ERC2: variants seen among roughly 807,000 people sequenced by gnomAD.
The protein encoded by ERC2 is ERC protein 2.
A neutral mutation model predicts 114.8 loss-of-function variants in ERC2; 42 were observed. The observed-to-expected ratio is 0.37, with a 90% CI of 0.29 to 0.47. The LOEUF (loss-of-function observed/expected upper bound fraction) is 0.47, where lower values mean the gene tolerates loss of function less well. Ranked by LOEUF, ERC2 falls within the 20% of genes least tolerant of loss-of-function variation. The probability of loss-of-function intolerance (pLI) is 0.99; values close to 1 mark genes in which losing one functional copy is unlikely to be tolerated. For synonymous variants in ERC2, 454 were observed against 425.5 expected (o/e 1.07, Z -0.82); for missense variants, 939 against 1,150.7 (o/e 0.82, Z 2.66).
chr3:55,514,445 T>A (rs888485029), intron 17 of ERC2, among the ~76,000 whole-genome samples: 1 of 152,124 alleles, frequency 6.6e-6, no homozygotes, highest in African/African-American at 2.4e-5. Context: ...TTGTCTAAAA[T>A]AAAAAATAAA....
intron 14 of ERC2, among the ~76,000 whole-genome samples, chr3:55,794,183 C>T (rs928819895): frequency 2.0e-5 from 3 of 152,166 alleles, no homozygotes; most frequent in African/African-American, 4.8e-5. Context: ...AGGAATTATC[C>T]ATTATCTATA....
At chr3:55,527,565 C>A (rs1410789558) in intron 17 of ERC2, among the ~76,000 whole-genome samples, 1 of 152,134 alleles carries the variant, frequency 6.6e-6, no homozygotes, top group Admixed American at 6.6e-5. Context: ...TTGTCATCTC[C>A]ACTTCTGATA....
intron 7 of ERC2, among the ~76,000 whole-genome samples, chr3:56,060,856 A>T (rs1194422244): frequency 6.6e-6 from 1 of 151,984 alleles, no homozygotes; most frequent in Non-Finnish European, 1.5e-5. Context: ...ATTTGTGGAG[A>T]CACTGAATTA....
intron 13 of ERC2, among the ~76,000 whole-genome samples, chr3:55,906,980 G>A (rs1159292991): frequency 6.6e-6 from 1 of 152,136 alleles, no homozygotes; most frequent in South Asian, 2.1e-4. Flanking sequence ...CAGATGATAG[G>A]GGTGCTTGCC....
At chr3:55,684,945 A>G (rs2062248247) in intron 16 of ERC2, among the ~76,000 whole-genome samples, 1 of 152,162 alleles carries the variant, frequency 6.6e-6, no homozygotes, top group Admixed American at 6.5e-5. Flanking sequence ...TTTTCTCATT[A>G]TTTGACTCCT....
intron 7 of ERC2, among the ~76,000 whole-genome samples, chr3:56,045,708 T>C (rs1576692288): frequency 1.3e-5 from 2 of 152,124 alleles, no homozygotes; most frequent in Admixed American, 1.3e-4. Context: ...AGGTCAAAAA[T>C]TCCTCTCAAG....
chr3:55,915,984 C>T (rs551876029), intron 13 of ERC2, among the ~76,000 whole-genome samples: 2 of 152,212 alleles, frequency 1.3e-5, no homozygotes, highest in South Asian at 4.2e-4. Context: ...ATAGAACATG[C>T]ATATTCATAG....
At chr3:55,860,041 T>A (rs940709977) in intron 14 of ERC2, among the ~76,000 whole-genome samples, 1 of 152,294 alleles carries the variant, frequency 6.6e-6, no homozygotes, top group South Asian at 2.1e-4. Context: ...TAGCCTTTTA[T>A]CCAATTTTAC....
intron 7 of ERC2, 118 bp from the exon 8 acceptor site, chr3:56,019,149 CA>C: frequency 1.3e-6 from 1 of 791,204 alleles, no homozygotes; most frequent in Non-Finnish European, 2.0e-6. Flanking sequence ...TAGAAATTGT[CA>C]GTAGCTTTGA....
At chr3:55,711,403 TA>T (rs895234083) in intron 15 of ERC2, among the ~76,000 whole-genome samples, 9 of 152,224 alleles carry the variant, frequency 5.9e-5, no homozygotes, top group Non-Finnish European at 2.9e-5. Context: ...CCAATCTTTC[TA>T]AAAAATTTTG....
intron 14 of ERC2, among the ~76,000 whole-genome samples, chr3:55,831,723 C>G (rs2060600503): frequency 6.6e-6 from 1 of 152,136 alleles, no homozygotes. Flanking sequence ...TGAGGTACCG[C>G]GTTCATCCCA....
intron 6 of ERC2, among the ~76,000 whole-genome samples, chr3:56,101,987 G>A (rs1164581821): frequency 6.6e-6 from 1 of 152,194 alleles, no homozygotes; most frequent in East Asian, 1.9e-4. Context: ...CTACCTTTGA[G>A]AATTAGACTT....
chr3:55,655,596 C>T (rs564220365), intron 17 of ERC2, among the ~76,000 whole-genome samples: 1 of 152,194 alleles, frequency 6.6e-6, no homozygotes, highest in Non-Finnish European at 1.5e-5. Flanking sequence ...CTAACCAAGC[C>T]TCCCTGGCCC....
intron 17 of ERC2, among the ~76,000 whole-genome samples, chr3:55,535,245 A>G (rs2053924929): frequency 1.3e-5 from 2 of 152,186 alleles, no homozygotes; most frequent in African/African-American, 4.8e-5. Context: ...GTGACAGGAG[A>G]AATATCCTCT....
chr3:56,040,611 A>ACATATATAGATGTATATGTATATATAC (rs11391505), intron 7 of ERC2, among the ~76,000 whole-genome samples: 512 of 33,106 alleles, frequency 0.015, 33 homozygotes, highest in Non-Finnish European at 0.016. Flanking sequence ...ATGTATATAT[A>ACATATATAGATGTATATGTATATATAC]ATATATAGAT....
intron 17 of ERC2, among the ~76,000 whole-genome samples, chr3:55,635,308 A>G (rs1415474824): frequency 2.6e-5 from 4 of 152,192 alleles, no homozygotes; most frequent in African/African-American, 7.2e-5. Flanking sequence ...TGGAACAGGA[A>G]ATGCTTCCTG....
At chr3:56,147,493 G>A (rs986976455) in intron 5 of ERC2, among the ~76,000 whole-genome samples, 3 of 152,058 alleles carry the variant, frequency 2.0e-5, no homozygotes, top group African/African-American at 4.8e-5. Flanking sequence ...ACGCACACAC[G>A]TTGTGATGAA....
chr3:56,001,048 C>A (rs1040077685), intron 10 of ERC2, among the ~76,000 whole-genome samples: 2 of 149,346 alleles, frequency 1.3e-5, no homozygotes, highest in Admixed American at 6.7e-5. Flanking sequence ...AGAATAGAAA[C>A]CCAAATAAAC....
intron 2 of ERC2, among the ~76,000 whole-genome samples, chr3:56,383,199 C>T (rs1022614545): frequency 1.3e-5 from 2 of 152,120 alleles, no homozygotes; most frequent in African/African-American, 4.8e-5. Context: ...TCTACCATTA[C>T]CTTCCCATGC....
Sources: allele counts gnomAD v4.1 joint callset (sites outside exome capture counted in the v4.1 genomes callset), GRCh38; gene constraint gnomAD v4.1.1; transcripts MANE v1.5; gene names NCBI Gene and HGNC (gene_info 2026-07-23, HGNC 2026-07-21).